Variants in LMTK2 observed in about 807,000 individuals in gnomAD.
LMTK2 encodes the protein serine/threonine-protein kinase LMTK2.
LMTK2 carries 37 observed loss-of-function variants against 127.5 expected under a neutral mutation model. The ratio of observed to expected loss-of-function variants is 0.29; its 90% CI spans 0.22 to 0.38. LMTK2 has a LOEUF of 0.38. Among genes scored for constraint, LMTK2 ranks in the 10% least tolerant of loss-of-function variants. LMTK2 has a pLI of 1.00. For synonymous variants in LMTK2, 819 were observed against 810.1 expected, an observed-to-expected ratio of 1.01 and a Z score of -0.19; for missense variants, 1,694 against 1,920.3, an observed-to-expected ratio of 0.88 and a Z score of 2.20.
intron 6 of LMTK2, among the ~76,000 whole-genome samples, chr7:98,164,979 C>T (rs1797072462): frequency 6.6e-6 from 1 of 152,176 alleles, no homozygotes; most frequent in African/African-American, 2.4e-5. Context: ...GAAGGCAGTT[C>T]GCAGTGGAGA....
chr7:98,156,951 ATT>A (rs1796934008), intron 5 of LMTK2, among the ~76,000 whole-genome samples: 1 of 152,146 alleles, frequency 6.6e-6, no homozygotes, highest in Non-Finnish European at 1.5e-5. Context: ...AAGTCCACCG[ATT>A]TAAATAGTCA....
chr7:98,171,975 TCGCGTGTTTCATCCTTG>T lies in LMTK2; in HGVS notation c.791+303_791+319del, dbSNP rs1797199325. Among the ~76,000 whole-genome samples the T allele has an allele frequency of 6.6e-6, 1 of 152,214 alleles. No homozygotes were observed. The highest frequency in any genetic ancestry group is 1.5e-5 in the Non-Finnish European group (1 of 68,042). ...CAGTCCCGATCCACCGTATGACACC[TCGCGTGTTTCATCCTTG>T]CCACACCAGCTTTAGGCTTCTGGTG... On this transcript the variant is annotated intron_variant, in intron 7 of 13. Coordinates refer to ENST00000297293, the MANE Select transcript of LMTK2 (RefSeq NM_014916.4). This position sits in a 1 kb window ranked among gnomAD's most constrained non-coding sequence, Gnocchi z 5.1.
intron 9 of LMTK2, 40 bp downstream of exon 9, chr7:98,187,038 C>T (rs1434815717): frequency 6.3e-7 from 1 of 1,583,140 alleles, no homozygotes; most frequent in African/African-American, 1.3e-5. Context: ...ATTTCTTTGG[C>T]AAAGTCCTAA....
Position 98,192,206 on chromosome 7 carries a change from A to G in LMTK2, c.1741A>G (p.Arg581Gly), listed in dbSNP as rs751463220. ...LLTTDMDNPE[R>G]TGPELSQLTA... ...CACAACCGACATGGATAATCCAGAA[A>G]GGACTGGCCCTGAACTGTCCCAGCT... Residue 581 changes from arginine (R) to glycine (G), a missense_variant, in exon 11 of 14, where the codon AGG becomes GGG. Arg to Gly is a moderately radical substitution (Grantham distance 125). Coordinates refer to ENST00000297293, the MANE Select transcript of LMTK2 (RefSeq NM_014916.4). 8 of 1,524,180 alleles carry G rather than the reference A, an allele frequency of 5.2e-6. No homozygotes were observed. The African/African-American group carries it at 5.6e-5, about 11-fold the overall frequency. The allele number at this position is 1,524,180 out of a possible 1,614,324, so 94.4% of individuals were successfully genotyped here.
rs1797741638 is a variant in LMTK2 at position 98,203,622 on chromosome 7, C to T, written c.4156C>T (p.Pro1386Ser). Reference protein sequence around the residue: ...LGPCGGEACGPDLSGPAPASG... With the variant: ...LGPCGGEACGSDLSGPAPASG... ...GCCCTGTGGAGGAGAGGCGTGCGGCCCGGACCTGAGCGGCCCAGCCCCAGC... is the reference window on the plus strand; with the variant it reads ...GCCCTGTGGAGGAGAGGCGTGCGGCTCGGACCTGAGCGGCCCAGCCCCAGC... Residue 1386 changes from proline to serine, a missense_variant, in exon 12 of 14, where the codon CCG becomes TCG. By Grantham distance (74) the Pro-to-Ser change is moderately conservative. This residue lies in a region of LMTK2 where 554 missense variants were observed against 567.7 expected (regional missense o/e 0.98). Transcript: ENST00000297293. 2 of 1,612,994 alleles carry T rather than the reference C, an allele frequency of 1.2e-6. No individual in the cohort carries two copies. Among genetic ancestry groups the T allele is most frequent in the Non-Finnish European group, 8.5e-7 (1 of 1,179,772 alleles).
At chr7:98,149,117 A>G (rs1007708134) in intron 3 of LMTK2, among the ~76,000 whole-genome samples, 1 of 152,270 alleles carries the variant, frequency 6.6e-6, no homozygotes, top group Non-Finnish European at 1.5e-5. Context: ...ATTGTGAGTT[A>G]CGTGAAACAA....
In LMTK2 at chr7:98,142,630, C is replaced by T. The variant is rs182536905; in HGVS notation, c.376+1089C>T. Among the ~76,000 whole-genome samples, 32 of 152,294 alleles carry T rather than the reference C, an allele frequency of 2.1e-4. No individual in the cohort carries two copies. In the East Asian group the frequency reaches 5.6e-3, roughly 27 times the overall value. ...CTGGAGAGACTTCTCAGAGCTTTTACAGGCCCATAGTCGATCCCCGGTGGA... is the reference window on the plus strand; with the variant it reads ...CTGGAGAGACTTCTCAGAGCTTTTATAGGCCCATAGTCGATCCCCGGTGGA... On this transcript the variant is annotated intron_variant, in intron 3 of 13. Transcript: ENST00000297293.
chr7:98,203,674 G>C lies in LMTK2; in HGVS notation c.4208G>C (p.Cys1403Ser), dbSNP rs778471576. The change falls in exon 12 of 14, where the codon TGC becomes TCC. Residue 1403 changes from cysteine (C) to serine (S), a missense_variant. Physicochemically the swap from Cys to Ser is moderately radical, Grantham distance 112. Transcript: ENST00000297293. ...TCAGGCTCTCCCTACCTGAGCAGGT[G>C]CATCAACTCCGAAAGCTCCACCGAC... ...PASGSPYLSR[C>S]INSESSTDEE... 6.2e-7 allele frequency: 1 copy of C among 1,613,752 alleles called. No homozygotes were observed. The highest frequency in any genetic ancestry group is 8.5e-7 in the Non-Finnish European group (1 of 1,179,980).
chr7:98,132,948 C>A (rs1796543861), intron 1 of LMTK2, among the ~76,000 whole-genome samples: 1 of 152,162 alleles, frequency 6.6e-6, no homozygotes, highest in Admixed American at 6.5e-5. Context: ...TGAGTCATTA[C>A]TGAGAAATTG....
chr7:98,174,665 G>A (rs528696523), intron 7 of LMTK2, among the ~76,000 whole-genome samples: 4 of 152,344 alleles, frequency 2.6e-5, no homozygotes, highest in African/African-American at 9.6e-5. Context: ...GGGTAGCCTT[G>A]CGGAGTACCT....
At chr7:98,202,783 C>T (rs1208853917) in intron 11 of LMTK2, among the ~76,000 whole-genome samples, 2 of 152,214 alleles carry the variant, frequency 1.3e-5, no homozygotes. Flanking sequence ...GCCCAGGAGC[C>T]CCCCAGCAAC....
At chr7:98,184,459 G>T (rs971842799) in intron 7 of LMTK2, among the ~76,000 whole-genome samples, 1 of 151,978 alleles carries the variant, frequency 6.6e-6, no homozygotes, top group Non-Finnish European at 1.5e-5. Flanking sequence ...TATGTGTGTG[G>T]GGGTGCTCTC....
chr7:98,205,369 G>C (rs957893297), intron 13 of LMTK2, 95 bp from the exon 14 acceptor site: 2 of 1,472,454 alleles, frequency 1.4e-6, no homozygotes, highest in South Asian at 1.1e-5. Context: ...ACCCGCTTCC[G>C]TTCCTGTGGT....
At position 98,193,016 on chromosome 7, in the gene LMTK2, G is replaced by T; in HGVS notation, c.2551G>T (p.Glu851Ter). 6.2e-7 allele frequency: 1 copy of T among 1,614,030 alleles called. No homozygotes were observed. Among genetic ancestry groups the T allele is most frequent in the Non-Finnish European group, 8.5e-7 (1 of 1,180,008 alleles). The change falls in exon 11 of 14, where the codon GAG (glutamate) becomes TAG (stop). Residue 851 changes from glutamate (E) to a stop codon, truncating the protein, a stop_gained. Transcript: ENST00000297293. LOFTEE classifies it high-confidence loss of function. The surrounding 1 kb of genome is among the most constrained non-coding windows in gnomAD (Gnocchi z 4.1). ...CACGTGTTTAGATGTTATTGTCCCG[G>T]AGGACTGTCTCCACCAGGACATCAG... ...QPTCLDVIVP[E>*]DCLHQDISPD... is the part of the protein sequence containing the mutation.
At position 98,194,170 on chromosome 7, in the gene LMTK2, C is replaced by CGAA; in HGVS notation, c.3705_3706insGAA (p.Leu1235_Leu1236insGlu). On this transcript the variant is annotated inframe_insertion, in exon 11 of 14. Transcript: ENST00000297293. This position sits in a 1 kb window ranked among gnomAD's most constrained non-coding sequence, Gnocchi z 5.4. ...CCACGGGGACCAACACGAACGAACTCCTTGCCTACACCAATTCTGCGCTGG... is the reference window on the plus strand; with the variant it reads ...CCACGGGGACCAACACGAACGAACTCGAACTTGCCTACACCAATTCTGCGCTGG... 6.2e-7 allele frequency: 1 copy of CGAA among 1,614,040 alleles called. No homozygotes were observed. Among genetic ancestry groups the CGAA allele is most frequent in the Non-Finnish European group, 8.5e-7 (1 of 1,180,040 alleles).
chr7:98,143,055 G>C (rs1376978379), intron 3 of LMTK2, among the ~76,000 whole-genome samples: 1 of 152,200 alleles, frequency 6.6e-6, no homozygotes, highest in Non-Finnish European at 1.5e-5. Context: ...GGGACAGACA[G>C]ACAGCTTCTC....
chr7:98,185,036 TC>T lies in LMTK2; in HGVS notation c.792-12del. The T allele has an allele frequency of 3.8e-6, 6 of 1,588,990 alleles. No homozygotes were observed. The highest frequency in any genetic ancestry group is 5.2e-6 in the Non-Finnish European group (6 of 1,157,836). ...GTTGATTCTTCTTGCCATGTTCACT[TC>T]CCTCTGTTTTCAGTGATTTAGCCCT... On this transcript the variant is annotated splice_polypyrimidine_tract_variant and intron_variant, in intron 7 of 13. Transcript: ENST00000297293.
chr7:98,152,883 G>A (rs1796877584), intron 4 of LMTK2, among the ~76,000 whole-genome samples: 1 of 152,156 alleles, frequency 6.6e-6, no homozygotes, highest in Admixed American at 6.5e-5. Flanking sequence ...CGGTGGAGGT[G>A]GCAAGAAGTG....
chr7:98,196,305 C>G (rs1186331471), intron 11 of LMTK2, among the ~76,000 whole-genome samples: 1 of 152,080 alleles, frequency 6.6e-6, no homozygotes, highest in African/African-American at 2.4e-5. Flanking sequence ...CTAGGCAGAT[C>G]TCGAACTCAG....
Sources: gnomAD v4.1 joint callset for allele counts (sites outside exome capture counted in the v4.1 genomes callset) on GRCh38, gnomAD v4.1.1 for gene constraint, gnomAD v4.1.1 regional missense constraint, Gnocchi (gnomAD v3.1) non-coding constraint, MANE v1.5 for transcripts, NCBI Gene and HGNC (gene_info 2026-07-23, HGNC 2026-07-21) for gene names.